TRIOBP: variants seen among roughly 807,000 people sequenced by gnomAD.
TRIOBP encodes TRIO and F-actin-binding protein.
In TRIOBP, 169 loss-of-function variants were observed where a neutral mutation model predicts 238.8. The observed-to-expected ratio is 0.71, with a 90% confidence interval of 0.62 to 0.80. The LOEUF is 0.80. Ranked by LOEUF, TRIOBP falls within the 30% of genes least tolerant of loss-of-function variation. The pLI, the probability that TRIOBP is intolerant of heterozygous loss-of-function variation, is 0.00. For missense variants in TRIOBP, 2,838 were observed against 3,122.6 expected, an observed-to-expected ratio of 0.91 and a Z score of 2.17; for synonymous variants, 1,150 against 1,274.4, an observed-to-expected ratio of 0.90 and a Z score of 2.08.
chr22:37,726,018 G>A lies in TRIOBP; in HGVS notation c.3462G>A (p.Leu1154=). 1.2e-6 allele frequency: 2 copies of A among 1,603,670 alleles called. No homozygotes were observed. The highest frequency in any genetic ancestry group is 1.7e-6 in the Non-Finnish European group (2 of 1,176,630). ...GCCTTGTCCCTTCCATGGACTCTCT[G>A]CACGAGTGCCCCCACATCCCCACCC... ...TESLVPSMDS[L]HECPHIPTPV... Residue 1154 remains leucine, a synonymous_variant, in exon 7 of 24, where the codon CTG becomes CTA. Coordinates refer to ENST00000644935, the MANE Select transcript of TRIOBP (RefSeq NM_001039141.3).
intron 11 of TRIOBP, among the ~76,000 whole-genome samples, chr22:37,746,957 G>A (rs1925316192): frequency 1.3e-5 from 2 of 152,228 alleles, no homozygotes; most frequent in Admixed American, 1.3e-4. Context: ...AGCCCGGGAG[G>A]CAGTCCCGGG....
intron 2 of TRIOBP, among the ~76,000 whole-genome samples, chr22:37,700,613 C>T (rs1297000459): frequency 6.6e-6 from 1 of 152,098 alleles, no homozygotes; most frequent in Admixed American, 6.6e-5. Flanking sequence ...GACGGAGTTT[C>T]GCCAGTTGCC....
At chr22:37,767,086 A>C (rs978785664) in intron 18 of TRIOBP, among the ~76,000 whole-genome samples, 1 of 152,122 alleles carries the variant, frequency 6.6e-6, no homozygotes, top group Non-Finnish European at 1.5e-5. Context: ...CCCTGTCTCT[A>C]CTATGAATAC....
intron 18 of TRIOBP, among the ~76,000 whole-genome samples, chr22:37,767,106 C>G (rs1926536595): frequency 6.6e-6 from 1 of 152,038 alleles, no homozygotes; most frequent in South Asian, 2.1e-4. Flanking sequence ...CAAAAATTAG[C>G]CATGCGCGGT....
rs1555895416 is a variant in TRIOBP, at chr22:37,719,988, T to TCACACTGCACTCACTGTTTCACTCATCCC, written c.629-3196_629-3195insACACTGCACTCACTGTTTCACTCATCCCC. On this transcript the variant is annotated intron_variant, in intron 6 of 23. Coordinates refer to ENST00000644935, the MANE Select transcript of TRIOBP (RefSeq NM_001039141.3). ...CACACTGCACTCACTGTTTCACTCA[T>TCACACTGCACTCACTGTTTCACTCATCCC]CCCCCCCCGCCCTTTTTTTTTTTTT... Among the ~76,000 whole-genome samples, 3 of 30,888 alleles carry TCACACTGCACTCACTGTTTCACTCATCCC rather than the reference T, an allele frequency of 9.7e-5. 1 individual carries two copies. Among genetic ancestry groups the TCACACTGCACTCACTGTTTCACTCATCCC allele is most frequent in the Non-Finnish European group, 1.4e-4 (2 of 14,714 alleles). 20.3% of individuals were successfully genotyped at this position (30,888 alleles called of 152,430 possible).
intron 11 of TRIOBP, among the ~76,000 whole-genome samples, chr22:37,747,880 T>C (rs1405191287): frequency 1.3e-5 from 2 of 152,238 alleles, no homozygotes; most frequent in East Asian, 1.9e-4. Context: ...TCTTTCACAG[T>C]TGCCTGTCCT....
At chr22:37,743,169 G>A (rs1244030504) in intron 11 of TRIOBP, among the ~76,000 whole-genome samples, 1 of 152,202 alleles carries the variant, frequency 6.6e-6, no homozygotes, top group African/African-American at 2.4e-5. Flanking sequence ...GGGAGTGAGG[G>A]AAATGAAGAG....
chr22:37,746,601 C>G (rs552561160), intron 11 of TRIOBP, among the ~76,000 whole-genome samples: 1 of 152,206 alleles, frequency 6.6e-6, no homozygotes, highest in Admixed American at 6.5e-5. Flanking sequence ...TCACCCTTCC[C>G]GCAGGCTCCT....
intron 5 of TRIOBP, 70 bp downstream of exon 5, chr22:37,713,481 T>C (rs2145822218): frequency 1.9e-6 from 3 of 1,564,024 alleles, no homozygotes; most frequent in Middle Eastern, 1.7e-4. Context: ...GGGTCCCACC[T>C]AAACCTCCAG....
intron 17 of TRIOBP, among the ~76,000 whole-genome samples, chr22:37,761,284 TA>T (rs912763658): frequency 1.7e-3 from 238 of 143,060 alleles, no homozygotes; most frequent in Admixed American, 1.5e-3. Context: ...CTGTCTCTAC[TA>T]AAAAAAAAAA....
At chr22:37,773,520 A>G (rs565643863) in intron 23 of TRIOBP, among the ~76,000 whole-genome samples, 111 of 152,228 alleles carry the variant, frequency 7.3e-4, no homozygotes, top group Non-Finnish European at 1.3e-3. Flanking sequence ...GCACCTGGCC[A>G]AAGTGTTCTT....
At chr22:37,721,090 C>T (rs1923804890) in intron 6 of TRIOBP, among the ~76,000 whole-genome samples, 2 of 148,716 alleles carry the variant, frequency 1.3e-5, no homozygotes, top group Admixed American at 6.8e-5. Flanking sequence ...GGGCTGGTAT[C>T]GATCTCCTGA....
intron 12 of TRIOBP, among the ~76,000 whole-genome samples, chr22:37,752,948 TC>T (rs1256209864): frequency 6.6e-6 from 1 of 152,180 alleles, no homozygotes; most frequent in Non-Finnish European, 1.5e-5. Context: ...AGACCCAGGC[TC>T]AGAACTCAGC....
intron 2 of TRIOBP, among the ~76,000 whole-genome samples, chr22:37,700,933 C>T (rs1214394830): frequency 2.6e-5 from 4 of 152,144 alleles, no homozygotes; most frequent in African/African-American, 7.2e-5. Context: ...CTCAAGTGAT[C>T]GGCCCACCTC....
rs924050978 is a variant in TRIOBP, at chr22:37,769,373, G to C, written c.6847G>C (p.Glu2283Gln). 2.1e-5 allele frequency: 33 copies of C among 1,601,106 alleles called. No individual in the cohort carries two copies. Among genetic ancestry groups the C allele is most frequent in the Non-Finnish European group, 2.6e-5 (30 of 1,176,018 alleles). Reference sequence around the variant, plus strand: ...CAACGAGCGGAGTTCCTGCGAGCTAGAGGTGAGTGTCCTCACTAGCACCAG... The same window carrying C: ...CAACGAGCGGAGTTCCTGCGAGCTACAGGTGAGTGTCCTCACTAGCACCAG... ...RSNERSSCEL[E>Q]VLLRVKENEL... Residue 2283 changes from glutamate to glutamine, a missense_variant and splice_region_variant, in exon 21 of 24, where the codon GAG (glutamate) becomes CAG (glutamine). Glu to Gln is a conservative substitution (Grantham distance 29). This residue lies in a region of TRIOBP where 2,096 missense variants were observed against 2,137.4 expected (regional missense o/e 0.98). Coordinates refer to ENST00000644935, the MANE Select transcript of TRIOBP (RefSeq NM_001039141.3).
chr22:37,720,000 CTTTTTTTTT>C (rs869261824), intron 6 of TRIOBP, among the ~76,000 whole-genome samples: 1 of 54,346 alleles, frequency 1.8e-5, no homozygotes, highest in African/African-American at 7.6e-5. Flanking sequence ...CCCCCCCGCC[CTTTTTTTTT>C]TTTTTTTTTT....
chr22:37,725,793 C>A lies in TRIOBP; in HGVS notation c.3237C>A (p.His1079Gln). The A allele has an allele frequency of 6.2e-7, 1 of 1,607,234 alleles. No homozygotes were observed. Among genetic ancestry groups the A allele is most frequent in the Non-Finnish European group, 8.5e-7 (1 of 1,176,464 alleles). Residue 1079 changes from histidine to glutamine, a missense_variant, in exon 7 of 24, where the codon CAC becomes CAA. This residue lies in a region of TRIOBP where 2,096 missense variants were observed against 2,137.4 expected (regional missense o/e 0.98). Transcript: ENST00000644935. ...CCCGGGCGTCCTCGCCCCCCCGCCA[C>A]ACCCAATTTGACCCCTTCCCCTTCC... ...DAPRASSPPR[H>Q]TQFDPFPFLP...
At chr22:37,748,441 A>G (rs1480589325) in intron 11 of TRIOBP, among the ~76,000 whole-genome samples, 3 of 152,156 alleles carry the variant, frequency 2.0e-5, no homozygotes, top group African/African-American at 7.2e-5. Flanking sequence ...CTCCCGGATC[A>G]GCCTTCCCCC....
intron 21 of TRIOBP, among the ~76,000 whole-genome samples, chr22:37,770,389 G>GCAGT (rs1003619699): frequency 1.4e-5 from 2 of 144,844 alleles, no homozygotes; most frequent in African/African-American, 5.1e-5. Context: ...GGCGGAGCGT[G>GCAGT]CAGTGAGCCG....
Sources: gnomAD v4.1 joint callset for allele counts (sites outside exome capture counted in the v4.1 genomes callset) on GRCh38, gnomAD v4.1.1 for gene constraint, gnomAD v4.1.1 regional missense constraint, MANE v1.5 for transcripts, NCBI Gene and HGNC (gene_info 2026-07-23, HGNC 2026-07-21) for gene names.